The following SACS variants were observed in gnomAD, a reference collection of about 807,000 sequenced individuals.
SACS encodes the protein sacsin.
SACS carries 197 observed loss-of-function variants against 348.0 expected under a neutral mutation model. That is an observed-to-expected ratio of 0.57 (90% CI 0.50 to 0.64). The LOEUF (loss-of-function observed/expected upper bound fraction) is 0.64. Ranked by LOEUF, SACS falls within the 30% of genes least tolerant of loss-of-function variation. The pLI is 0.00. For missense variants in SACS, 4,999 were observed against 5,360.8 expected (o/e 0.93, Z 2.11); for synonymous variants, 1,985 against 1,910.6 (o/e 1.04, Z -1.02).
intron 9 of SACS, among the ~76,000 whole-genome samples, chr13:23,343,010 G>A (rs561264184): frequency 6.6e-6 from 1 of 152,158 alleles, no homozygotes; most frequent in Non-Finnish European, 1.5e-5. Context: ...TATTATTAAA[G>A]TGTGCTCTTC....
Position 23,335,878 on chromosome 13 carries a change from C to T in SACS, c.7998G>A (p.Met2666Ile). The T allele has an allele frequency of 6.2e-7, 1 of 1,613,920 alleles. No individual in the cohort carries two copies. Among genetic ancestry groups the T allele is most frequent in the Non-Finnish European group, 8.5e-7 (1 of 1,179,882 alleles). ...PGATSISPGR[M>I]FRDLDADFRT... ...TAAAATCTGCATCCAAATCTCTAAACATGCGTCCGGGACTAATGGATGTGG... is the reference window on the plus strand; with the variant it reads ...TAAAATCTGCATCCAAATCTCTAAATATGCGTCCGGGACTAATGGATGTGG... The change falls in exon 10 of 10, where the codon ATG becomes ATA. Residue 2666 changes from methionine (M) to isoleucine (I), a missense_variant. By Grantham distance (10) the Met-to-Ile change is conservative (BLOSUM62 1). Transcript: ENST00000382292. The surrounding 1 kb of genome is among the most constrained non-coding windows in gnomAD (Gnocchi z 4.7).
At chr13:23,399,615 G>A (rs560348594) in intron 2 of SACS, among the ~76,000 whole-genome samples, 1 of 152,202 alleles carries the variant, frequency 6.6e-6, no homozygotes, top group South Asian at 2.1e-4. Context: ...CAGAAGCAGG[G>A]ACTAACCACG....
intron 2 of SACS, among the ~76,000 whole-genome samples, chr13:23,375,853 G>A (rs2137847598): frequency 6.6e-6 from 1 of 152,352 alleles, no homozygotes; most frequent in Admixed American, 6.5e-5. Flanking sequence ...ACAGCTAGAG[G>A]ACAGGTGCGT....
intron 2 of SACS, among the ~76,000 whole-genome samples, chr13:23,406,491 C>T (rs1247525489): frequency 1.3e-5 from 2 of 151,960 alleles, no homozygotes; most frequent in Non-Finnish European, 2.9e-5. Context: ...AACAAACCCA[C>T]ACGTTCTGCA....
chr13:23,419,817 T>G (rs559688321), intron 1 of SACS, among the ~76,000 whole-genome samples: 171 of 152,332 alleles, frequency 1.1e-3, no homozygotes, highest in African/African-American at 4.1e-3. Context: ...AGAATATATA[T>G]TCTTTGGGGA....
rs145651788 is a variant in SACS, at chr13:23,377,363, C to T, written c.21-2094G>A. The stretch of plus-strand genomic sequence containing the variant: ...TCCTGGACCACCTCTGGGAACAAAA[C>T]CATTTGAATGAAAACATGGAATGAA... On this transcript the variant is annotated intron_variant, in intron 2 of 9. Coordinates refer to ENST00000382292, the MANE Select transcript of SACS (RefSeq NM_014363.6). Among the ~76,000 whole-genome samples the T allele has an allele frequency of 2.0e-5, 3 of 152,222 alleles. No homozygotes were observed. In the East Asian group the frequency reaches 5.8e-4, roughly 29 times the overall value.
intron 6 of SACS, among the ~76,000 whole-genome samples, chr13:23,363,515 C>T (rs1566085299): frequency 6.6e-6 from 1 of 152,156 alleles, no homozygotes; most frequent in African/African-American, 2.4e-5. Flanking sequence ...TGTGAGCCAC[C>T]GCACCCAGCC....
chr13:23,363,168 CA>C (rs1400546677), intron 6 of SACS, among the ~76,000 whole-genome samples: 6 of 151,372 alleles, frequency 4.0e-5, no homozygotes, highest in African/African-American at 1.5e-4. Flanking sequence ...CTCAGCCTCC[CA>C]AAGTGCTGGG....
chr13:23,342,882 AT>A (rs1480563499), intron 9 of SACS, among the ~76,000 whole-genome samples: 1 of 152,212 alleles, frequency 6.6e-6, no homozygotes, highest in East Asian at 1.9e-4. Flanking sequence ...TGGGACTTGA[AT>A]TCTCTCATTT....
chr13:23,355,066 G>A lies in SACS; in HGVS notation c.1546C>T (p.Leu516=). 1 of 1,614,194 alleles carries A rather than the reference G, an allele frequency of 6.2e-7. No homozygotes were observed. ...ATLILDSIKR[L]EMEKSSDFPL... ...AAATCAGAGCTCTTTTCCATCTCCAGACGTTTTATTGAATCTAAGATCAGA... is the reference window on the plus strand; with the variant it reads ...AAATCAGAGCTCTTTTCCATCTCCAAACGTTTTATTGAATCTAAGATCAGA... Residue 516 remains leucine (L), a synonymous_variant, in exon 8 of 10, where the codon CTG becomes TTG. Transcript: ENST00000382292.
intron 4 of SACS, 102 bp downstream of exon 4, chr13:23,370,976 G>A (rs895641756): frequency 1.8e-5 from 12 of 678,022 alleles, no homozygotes; most frequent in African/African-American, 1.4e-4. Flanking sequence ...TGGGCGATAG[G>A]GCGAGACTCA....
chr13:23,431,470 A>G (rs1874430965), intron 1 of SACS, among the ~76,000 whole-genome samples: 1 of 152,256 alleles, frequency 6.6e-6, no homozygotes, highest in African/African-American at 2.4e-5. Flanking sequence ...CATAAAGTAG[A>G]AATTAAAATA....
At chr13:23,368,378 A>G in intron 5 of SACS, 24 bp downstream of exon 5, 1 of 1,525,616 alleles carries the variant, frequency 6.6e-7, no homozygotes, top group South Asian at 1.2e-5. Flanking sequence ...AGTAAATAAC[A>G]CATGAACACG....
At chr13:23,378,158 T>G (rs1378501739) in intron 2 of SACS, among the ~76,000 whole-genome samples, 1 of 152,240 alleles carries the variant, frequency 6.6e-6, no homozygotes, top group African/African-American at 2.4e-5. Context: ...GTACAGATTT[T>G]ACATGGTGCT....
chr13:23,356,123 C>T, intron 7 of SACS, 116 bp from the exon 8 acceptor site: 1 of 835,804 alleles, frequency 1.2e-6, no homozygotes, highest in East Asian at 2.7e-5. Flanking sequence ...ACAGATTTAT[C>T]TAAACACAAA....
intron 1 of SACS, among the ~76,000 whole-genome samples, chr13:23,429,074 A>G (rs139016578): frequency 5.2e-4 from 79 of 152,312 alleles, no homozygotes; most frequent in African/African-American, 1.8e-3. Context: ...CATAAAAATA[A>G]TATCACATAT....
At chr13:23,364,146 A>C (rs954359184) in intron 6 of SACS, among the ~76,000 whole-genome samples, 1 of 152,224 alleles carries the variant, frequency 6.6e-6, no homozygotes, top group African/African-American at 2.4e-5. Flanking sequence ...ACTATATGAG[A>C]CATAACAAAT....
chr13:23,374,348 T>A (rs1479543083), intron 3 of SACS, among the ~76,000 whole-genome samples: 2 of 152,216 alleles, frequency 1.3e-5, no homozygotes, highest in Admixed American at 1.3e-4. Context: ...TATCGAGTAG[T>A]AAGGAAATTC....
Position 23,336,906 on chromosome 13 carries a change from G to A in SACS, c.6970C>T (p.His2324Tyr). 6.2e-7 allele frequency: 1 copy of A among 1,613,800 alleles called. No homozygotes were observed. The highest frequency in any genetic ancestry group is 8.5e-7 in the Non-Finnish European group (1 of 1,179,736). ...NITNACYKYL[H>Y]EALMQNEITK... ...ATTTCATTTTGCATCAAGGCTTCAT[G>A]AAGGTATTTGTAGCAAGCATTGGTG... is the stretch of plus-strand genomic sequence containing the variant. Residue 2324 changes from histidine (H) to tyrosine (Y), a missense_variant, in exon 10 of 10, where the codon CAT becomes TAT. By Grantham distance (83) the His-to-Tyr change is moderately conservative. Around this residue, in one of 6 missense-constraint regions of SACS, gnomAD observed 3,156 missense variants for 3,380.1 expected, o/e 0.93. Transcript: ENST00000382292.
Sources: gnomAD v4.1 joint callset for allele counts (sites outside exome capture counted in the v4.1 genomes callset) on GRCh38, gnomAD v4.1.1 for gene constraint, gnomAD v4.1.1 regional missense constraint, Gnocchi (gnomAD v3.1) non-coding constraint, MANE v1.5 for transcripts, NCBI Gene and HGNC (gene_info 2026-07-23, HGNC 2026-07-21) for gene names.